The following SULT1C2 variants were observed in gnomAD, a reference collection of about 807,000 sequenced individuals.
SULT1C2 encodes the protein sulfotransferase 1C2.
Under a neutral mutation model 36.0 loss-of-function variants are expected in SULT1C2, and 27 were observed. The observed-to-expected ratio is 0.75, with a 90% confidence interval of 0.55 to 1.03. The LOEUF (loss-of-function observed/expected upper bound fraction) is 1.03. SULT1C2 is among the 50% of genes least tolerant of loss of function. SULT1C2 has a pLI of 0.00. For missense variants in SULT1C2, 395 were observed against 359.2 expected, an observed-to-expected ratio of 1.10 and a Z score of -0.80; for synonymous variants, 121 against 116.0, an observed-to-expected ratio of 1.04 and a Z score of -0.27.
chr2:108,305,921 G>C (rs997567498), intron 7 of SULT1C2, among the ~76,000 whole-genome samples: 37 of 152,318 alleles, frequency 2.4e-4, no homozygotes, highest in African/African-American at 8.9e-4. Flanking sequence ...AGACCTCCCA[G>C]GGGCCGCTGG....
At position 108,293,656 on chromosome 2, in the gene SULT1C2, C is replaced by T; in HGVS notation, c.-12C>T. On this transcript the variant is annotated 5_prime_UTR_variant, in exon 2 of 8. Transcript: ENST00000251481. ...TATTCTTTTCCCATAGGGACCCCAA[C>T]CCTGAGACACTATGGCCCTGACCTC... 1.2e-6 allele frequency: 2 copies of T among 1,604,822 alleles called. No homozygotes were observed. Among genetic ancestry groups the T allele is most frequent in the Non-Finnish European group, 1.7e-6 (2 of 1,175,748 alleles).
In SULT1C2 at chr2:108,305,599, T is replaced by C. The variant is rs765332335; in HGVS notation, c.778+4T>C. On this transcript the variant is annotated splice_donor_region_variant and intron_variant, in intron 7 of 7. Transcript: ENST00000251481. ...ATTTCCTCCTTCATGAGAAAAGGTGTGTGGGGCCTCTTTATCATACATTCA... is the reference window on the plus strand; with the variant it reads ...ATTTCCTCCTTCATGAGAAAAGGTGCGTGGGGCCTCTTTATCATACATTCA... 1 of 1,614,182 alleles carries C rather than the reference T, an allele frequency of 6.2e-7. No individual in the cohort carries two copies. Among genetic ancestry groups the C allele is most frequent in the Non-Finnish European group, 8.5e-7 (1 of 1,180,008 alleles).
rs140128335 is a variant in SULT1C2 at position 108,289,716 on chromosome 2, C to T, written c.-22+646C>T. ...ATGCCTGACTCTCCAAGGGCAGGAACCATGTGCTGATGTGGCCCAGCAATG... is the reference window on the plus strand; with the variant it reads ...ATGCCTGACTCTCCAAGGGCAGGAATCATGTGCTGATGTGGCCCAGCAATG... On this transcript the variant is annotated intron_variant, in intron 1 of 7. Transcript: ENST00000251481. Among the ~76,000 whole-genome samples, 1,144 of 152,256 alleles carry T rather than the reference C, an allele frequency of 7.5e-3. 14 individuals are homozygous for T. Among genetic ancestry groups the T allele is most frequent in the Non-Finnish European group, 8.3e-3 (563 of 68,016 alleles).
Position 108,300,824 on chromosome 2 carries a change from G to A in SULT1C2, c.278-14G>A, listed in dbSNP as rs201084412. ...TTGTACTACGCAGATGTTTCCTCTT[G>A]AGCTATTTTAAAGGTGTGGAAAAAG... On this transcript the variant is annotated splice_polypyrimidine_tract_variant and intron_variant, in intron 3 of 7. Transcript: ENST00000251481. The A allele has an allele frequency of 2.6e-4, 426 of 1,614,132 alleles. 2 individuals carry two copies. The African/African-American group carries it at 3.9e-3, about 15-fold the overall frequency.
chr2:108,305,155 T>C lies in SULT1C2; in HGVS notation c.503-17T>C, dbSNP rs1676988982. On this transcript the variant is annotated splice_polypyrimidine_tract_variant and intron_variant, in intron 5 of 7. Coordinates refer to ENST00000251481, the MANE Select transcript of SULT1C2 (RefSeq NM_001056.4). Reference sequence around the variant, plus strand: ...TGATGCCTATGTAGACTATTCTGTTTCCTGTGTCTATTTCAGTGGTTTGGG... The same window carrying C: ...TGATGCCTATGTAGACTATTCTGTTCCCTGTGTCTATTTCAGTGGTTTGGG... 6.2e-7 allele frequency: 1 copy of C among 1,613,902 alleles called. No homozygotes were observed. The highest frequency in any genetic ancestry group is 1.7e-5 in the Admixed American group (1 of 60,000).
chr2:108,301,024 AC>A (rs1427183625), intron 4 of SULT1C2, 89 bp downstream of exon 4: 2 of 1,522,708 alleles, frequency 1.3e-6, no homozygotes, highest in Non-Finnish European at 1.8e-6. Flanking sequence ...ATTCGTGATC[AC>A]CTTTGCCTCT....
Position 108,308,380 on chromosome 2 carries a change from C to T in SULT1C2, c.807C>T (p.Phe269=), listed in dbSNP as rs550872647. The T allele has an allele frequency of 1.8e-5, 29 of 1,612,514 alleles. No homozygotes were observed. The highest frequency in any genetic ancestry group is 2.5e-5 in the Non-Finnish European group (29 of 1,179,638). ...CTGTGGGGGATTGGAAAAACCACTT[C>T]ACTGTTGCCCAGAATGAGAGGTTTG... The part of the protein sequence containing the change: ...KGTVGDWKNH[F]TVAQNERFDE... Residue 269 remains phenylalanine (F), a synonymous_variant, in exon 8 of 8, where the codon TTC becomes TTT. Transcript: ENST00000251481.
chr2:108,293,106 G>A (rs1436341837), intron 1 of SULT1C2, among the ~76,000 whole-genome samples: 4 of 146,860 alleles, frequency 2.7e-5, no homozygotes, highest in Non-Finnish European at 4.4e-5. Context: ...TTGAACCCTG[G>A]AGGCAGAGGT....
chr2:108,306,779 G>A (rs562744712), intron 7 of SULT1C2, among the ~76,000 whole-genome samples: 12 of 151,774 alleles, frequency 7.9e-5, no homozygotes, highest in South Asian at 2.1e-4. Flanking sequence ...GGTGGTGCAC[G>A]CCTGTAGTCC....
At chr2:108,304,522 G>C (rs1388555966) in intron 4 of SULT1C2, 52 bp from the exon 5 acceptor site, 7 of 1,553,214 alleles carry the variant, frequency 4.5e-6, no homozygotes, top group Non-Finnish European at 6.1e-6. Context: ...GGAACTCTGT[G>C]AAAGTCCACT....
intron 1 of SULT1C2, among the ~76,000 whole-genome samples, chr2:108,291,015 C>T (rs1375341877): frequency 6.6e-6 from 1 of 152,192 alleles, no homozygotes; most frequent in Non-Finnish European, 1.5e-5. Context: ...AAACAGGTGT[C>T]TCTGGGTAAA....
intron 4 of SULT1C2, chr2:108,303,085 G>A (rs1558680499): frequency 6.6e-6 from 1 of 152,250 alleles, no homozygotes; most frequent in Non-Finnish European, 1.5e-5. Context: ...CTTTACTGGT[G>A]CTTGGCAGCT....
rs1013661917 is a variant in SULT1C2 at position 108,305,234 on chromosome 2, A to G, written c.565A>G (p.Ile189Val). 3 of 1,614,070 alleles carry G rather than the reference A, an allele frequency of 1.9e-6. No homozygotes were observed. Among genetic ancestry groups the G allele is most frequent in the Non-Finnish European group, 1.7e-6 (2 of 1,180,032 alleles). ...GTGGGAGATGAAAGACAGACACCAG[A>G]TTCTCTTCCTCTTCTATGAGGACAT... is the stretch of plus-strand genomic sequence containing the variant. ...GWWEMKDRHQ[I>V]LFLFYEDIKR... The change falls in exon 6 of 8, where the codon ATT becomes GTT. Residue 189 changes from isoleucine (I) to valine (V), a missense_variant. Physicochemically the swap from Ile to Val is conservative, Grantham distance 29 (BLOSUM62 3). Transcript: ENST00000251481.
rs757171347 is a variant in SULT1C2 at position 108,294,233 on chromosome 2, A to G, written c.156A>G (p.Thr52=). 1 of 1,613,840 alleles carries G rather than the reference A, an allele frequency of 6.2e-7. No individual in the cohort carries two copies. Among genetic ancestry groups the G allele is most frequent in the Non-Finnish European group, 8.5e-7 (1 of 1,179,876 alleles). ...LLICTYPKAG[T]TWIQEIVDMI... ...TCCTTCCTTTCTGAGCCTCAGGGAC[A>G]ACGTGGATTCAGGAAATTGTGGATA... Residue 52 remains threonine (T), a synonymous_variant, in exon 3 of 8, where the codon ACA becomes ACG. Transcript: ENST00000251481.
At chr2:108,298,255 A>G (rs1472254096) in intron 3 of SULT1C2, among the ~76,000 whole-genome samples, 7 of 152,240 alleles carry the variant, frequency 4.6e-5, no homozygotes, top group Non-Finnish European at 8.8e-5. Context: ...TTTCAGCTAT[A>G]TAAGCTCTGC....
chr2:108,298,425 G>GTGCAGTA (rs771218443), intron 3 of SULT1C2: 1 of 169,784 alleles, frequency 5.9e-6, no homozygotes, highest in Non-Finnish European at 1.3e-5. Context: ...CCAGGCTAGA[G>GTGCAGTA]TGCAGTAGTG....
Position 108,293,722 on chromosome 2 carries a change from A to C in SULT1C2, c.55A>C (p.Thr19Pro), listed in dbSNP as rs1344449557. 1 of 1,613,668 alleles carries C rather than the reference A, an allele frequency of 6.2e-7. No homozygotes were observed. Among genetic ancestry groups the C allele is most frequent in the Non-Finnish European group, 8.5e-7 (1 of 1,179,932 alleles). ...GATAAAACTGAAAGAGGTGGAGGGG[A>C]CCCTCCTGCAGCCTGCAACTGTGGA... Reference protein sequence around the residue: ...KQIKLKEVEGTLLQPATVDNW... With the variant: ...KQIKLKEVEGPLLQPATVDNW... Residue 19 changes from threonine (T) to proline (P), a missense_variant, in exon 2 of 8, where the codon ACC becomes CCC. Thr to Pro is a conservative substitution (Grantham distance 38, BLOSUM62 -1). Coordinates refer to ENST00000251481, the MANE Select transcript of SULT1C2 (RefSeq NM_001056.4).
At chr2:108,303,791 A>G (rs1231244353) in intron 4 of SULT1C2, 1 of 152,224 alleles carries the variant, frequency 6.6e-6, no homozygotes, top group African/African-American at 2.4e-5. Context: ...CAGTAGCACC[A>G]CTACTCCAAG....
chr2:108,298,336 CTT>C (rs1225536934), intron 3 of SULT1C2, among the ~76,000 whole-genome samples: 1 of 152,138 alleles, frequency 6.6e-6, no homozygotes, highest in Non-Finnish European at 1.5e-5. Context: ...TTAGTAGTCT[CTT>C]GTTTCCTTGC....
Sources: gnomAD v4.1 joint callset for allele counts (sites outside exome capture counted in the v4.1 genomes callset) on GRCh38, gnomAD v4.1.1 for gene constraint, MANE v1.5 for transcripts, NCBI Gene and HGNC (gene_info 2026-07-23, HGNC 2026-07-21) for gene names.